Variants in SGPP2 observed in about 807,000 individuals in gnomAD.
The protein encoded by SGPP2 is sphingosine 1-phosphate phosphohydrolase 2.
A neutral mutation model predicts 33.9 loss-of-function variants in SGPP2; 30 were observed. That is an observed-to-expected ratio of 0.89 (90% CI 0.66 to 1.20). SGPP2 has a LOEUF of 1.20. Among genes scored for constraint, SGPP2 ranks in the 50% most tolerant of loss-of-function variants. SGPP2 has a pLI of 0.00. For synonymous variants in SGPP2, 233 were observed against 225.0 expected (o/e 1.04, Z -0.32); for missense variants, 458 against 532.1 (o/e 0.86, Z 1.37).
intron 2 of SGPP2, chr2:222,503,741 T>TGGATGGGAC (rs1389998001): frequency 6.6e-6 from 1 of 152,142 alleles, no homozygotes; most frequent in African/African-American, 2.4e-5. Context: ...TCATGGGTCT[T>TGGATGGGAC]GGATGGGACC....
At chr2:222,496,420 C>G (rs1289031586) in intron 2 of SGPP2, among the ~76,000 whole-genome samples, 2 of 152,248 alleles carry the variant, frequency 1.3e-5, no homozygotes, top group African/African-American at 4.8e-5. Flanking sequence ...AACATTCCCT[C>G]CATTCAGGCC....
At chr2:222,492,300 G>T (rs899597369) in intron 2 of SGPP2, among the ~76,000 whole-genome samples, 1 of 152,204 alleles carries the variant, frequency 6.6e-6, no homozygotes, top group South Asian at 2.1e-4. Flanking sequence ...GCAAATTTCT[G>T]CCTAGACATC....
At chr2:222,427,161 T>G (rs10084278) in intron 1 of SGPP2, among the ~76,000 whole-genome samples, 117,054 of 152,240 alleles carry the variant, frequency 0.77, 45,134 homozygotes, top group Middle Eastern at 0.9. Flanking sequence ...CAGGCAACTT[T>G]TCTGTTATGG....
chr2:222,545,547 G>T (rs896625875), intron 4 of SGPP2, among the ~76,000 whole-genome samples: 3 of 152,128 alleles, frequency 2.0e-5, no homozygotes, highest in Non-Finnish European at 2.9e-5. Flanking sequence ...CTCCCAAAGT[G>T]CTGGGATTAC....
At chr2:222,507,383 A>G (rs1698460701) in intron 2 of SGPP2, among the ~76,000 whole-genome samples, 1 of 152,228 alleles carries the variant, frequency 6.6e-6, no homozygotes, top group Non-Finnish European at 1.5e-5. Context: ...TATCACATTT[A>G]GAGACAGGAA....
chr2:222,464,587 A>G (rs987153548), intron 1 of SGPP2, among the ~76,000 whole-genome samples: 1 of 152,166 alleles, frequency 6.6e-6, no homozygotes, highest in East Asian at 1.9e-4. Context: ...GGTTCAAACA[A>G]TTCTCTCACC....
chr2:222,449,781 C>T (rs916377178), intron 1 of SGPP2, among the ~76,000 whole-genome samples: 1 of 152,156 alleles, frequency 6.6e-6, no homozygotes, highest in African/African-American at 2.4e-5. Flanking sequence ...AACTAATTTT[C>T]TAAAAGCCAG....
At chr2:222,512,277 C>T (rs1287758736) in intron 2 of SGPP2, among the ~76,000 whole-genome samples, 1 of 152,164 alleles carries the variant, frequency 6.6e-6, no homozygotes, top group African/African-American at 2.4e-5. Context: ...TCCCAAAGTA[C>T]TGGGATTACA....
intron 2 of SGPP2, among the ~76,000 whole-genome samples, chr2:222,505,674 C>T (rs773313411): frequency 2.0e-5 from 3 of 151,942 alleles, no homozygotes; most frequent in Non-Finnish European, 2.9e-5. Context: ...TGGCTCACAC[C>T]TGTAATCCCA....
At chr2:222,534,452 A>AT (rs58556549) in intron 4 of SGPP2, among the ~76,000 whole-genome samples, 23 of 151,610 alleles carry the variant, frequency 1.5e-4, no homozygotes, top group Admixed American at 3.9e-4. Flanking sequence ...TTATTCATTT[A>AT]TTTTTTTTTC....
intron 2 of SGPP2, among the ~76,000 whole-genome samples, chr2:222,495,016 A>G (rs1466554578): frequency 6.6e-6 from 1 of 152,120 alleles, no homozygotes; most frequent in African/African-American, 2.4e-5. Flanking sequence ...TGGGTGACAG[A>G]GTGAGACTCT....
intron 1 of SGPP2, among the ~76,000 whole-genome samples, chr2:222,431,367 G>C (rs1697152607): frequency 6.6e-6 from 1 of 152,038 alleles, no homozygotes; most frequent in African/African-American, 2.4e-5. Flanking sequence ...TTAGCCAGGT[G>C]TGGTGGCACA....
chr2:222,465,119 G>A lies in SGPP2; in HGVS notation c.220-9449G>A, dbSNP rs1443261107. ...ACGCAGCAGAGGGATCCCGACAAACGCCCACTAAGCAGGTGACAGTGATGA... is the reference window on the plus strand; with the variant it reads ...ACGCAGCAGAGGGATCCCGACAAACACCCACTAAGCAGGTGACAGTGATGA... On this transcript the variant is annotated intron_variant, in intron 1 of 4. Transcript: ENST00000321276. The surrounding 1 kb of genome is among the most constrained non-coding windows in gnomAD (Gnocchi z 4.1). 6.6e-6 allele frequency among the ~76,000 whole-genome samples: 1 copy of A among 152,078 alleles called. No homozygotes were observed. The highest frequency in any genetic ancestry group is 1.5e-5 in the Non-Finnish European group (1 of 68,018).
At position 222,460,078 on chromosome 2, in the gene SGPP2, C is replaced by T. The variant is rs1191549396; in HGVS notation, c.220-14490C>T. On this transcript the variant is annotated intron_variant, in intron 1 of 4. Coordinates refer to ENST00000321276, the MANE Select transcript of SGPP2 (RefSeq NM_152386.4). This position sits in a 1 kb window ranked among gnomAD's most constrained non-coding sequence, Gnocchi z 4.3. ...GCGCGCGGCCCTCGGTGACGGGGCT[C>T]AGTCAAAACCCAGGGCCTCCGGGTT... Among the ~76,000 whole-genome samples, 2 of 152,214 alleles carry T rather than the reference C, an allele frequency of 1.3e-5. No individual in the cohort carries two copies. The highest frequency in any genetic ancestry group is 2.9e-5 in the Non-Finnish European group (2 of 68,028).
chr2:222,535,167 A>AACAT (rs1698894730), intron 4 of SGPP2, among the ~76,000 whole-genome samples: 1 of 151,644 alleles, frequency 6.6e-6, no homozygotes, highest in African/African-American at 2.4e-5. Flanking sequence ...ACCTGAGGTC[A>AACAT]GGAGTTCAAG....
In SGPP2 at chr2:222,521,990, C is replaced by A. The variant is rs769810514; in HGVS notation, c.558+44C>A. 4.1e-6 allele frequency: 6 copies of A among 1,450,786 alleles called. No homozygotes were observed. The African/African-American group carries it at 7.3e-5, about 18-fold the overall frequency. The allele number at this position is 1,450,786 out of a possible 1,614,324, so 89.9% of individuals were successfully genotyped here. ...TCTTCCTACCCACCTACTGAGGCAGCAAATAGAGGCTGCACTTCTGAATTT... is the reference window on the plus strand; with the variant it reads ...TCTTCCTACCCACCTACTGAGGCAGAAAATAGAGGCTGCACTTCTGAATTT... On this transcript the variant is annotated intron_variant, in intron 3 of 4. Transcript: ENST00000321276.
intron 2 of SGPP2, among the ~76,000 whole-genome samples, chr2:222,489,210 T>G (rs1348196061): frequency 1.3e-5 from 2 of 152,166 alleles, no homozygotes; most frequent in African/African-American, 2.4e-5. Flanking sequence ...GCCAGCAGGA[T>G]GAACCCATCC....
rs991528885 is a variant in SGPP2, at chr2:222,486,132, G to A, written c.378+11406G>A. 5.9e-5 allele frequency among the ~76,000 whole-genome samples: 9 copies of A among 152,228 alleles called. No homozygotes were observed. In the East Asian group the frequency reaches 1.4e-3, roughly 23 times the overall value. On this transcript the variant is annotated intron_variant, in intron 2 of 4. Transcript: ENST00000321276. ...CAGGCTCTTTTGGTGTAGTGGCCTC[G>A]ATGGGCTGCACGGTGGCAGGGAGGT...
At chr2:222,430,577 C>T (rs1034580052) in intron 1 of SGPP2, among the ~76,000 whole-genome samples, 5 of 152,148 alleles carry the variant, frequency 3.3e-5, no homozygotes, top group African/African-American at 1.2e-4. Flanking sequence ...CCTTGGCCTC[C>T]CAAAGTGCTG....
Sources: gnomAD v4.1 joint callset for allele counts (sites outside exome capture counted in the v4.1 genomes callset) on GRCh38, gnomAD v4.1.1 for gene constraint, Gnocchi (gnomAD v3.1) non-coding constraint, MANE v1.5 for transcripts, NCBI Gene and HGNC (gene_info 2026-07-23, HGNC 2026-07-21) for gene names.